Variants in JARID2 observed in about 807,000 individuals in gnomAD.
JARID2 encodes protein Jumonji.
Under a neutral mutation model 125.6 loss-of-function variants are expected in JARID2, and 21 were observed. The observed-to-expected ratio is 0.17, with a 90% CI of 0.12 to 0.24. The LOEUF is 0.24. Ranked by LOEUF, JARID2 falls within the 10% of genes least tolerant of loss-of-function variation. The pLI is 1.00. For synonymous variants in JARID2, 736 were observed against 661.6 expected (o/e 1.11, Z -1.73); for missense variants, 1,303 against 1,639.6 (o/e 0.79, Z 3.55).
chr6:15,483,217 A>T (rs747233106), intron 5 of JARID2, among the ~76,000 whole-genome samples: 1 of 152,246 alleles, frequency 6.6e-6, no homozygotes, highest in East Asian at 1.9e-4. Context: ...AACTTGCACA[A>T]TCACACAAGT....
At position 15,434,606 on chromosome 6, in the gene JARID2, ATG is replaced by A. The variant is rs1423543678; in HGVS notation, c.324-17397_324-17396del. On this transcript the variant is annotated intron_variant, in intron 3 of 17. Coordinates refer to ENST00000341776, the MANE Select transcript of JARID2 (RefSeq NM_004973.4). ...CAAGTGTGAGTCTCAGAATCCCATT[ATG>A]TGAATTCCATGGAGTGTTAATTCAA... 5.3e-5 allele frequency among the ~76,000 whole-genome samples: 8 copies of A among 152,334 alleles called. No homozygotes were observed. The East Asian group carries it at 1.4e-3, about 26-fold the overall frequency.
At chr6:15,421,034 C>G (rs1766463595) in intron 3 of JARID2, among the ~76,000 whole-genome samples, 2 of 152,190 alleles carry the variant, frequency 1.3e-5, no homozygotes, top group African/African-American at 4.8e-5. Context: ...CCATTGTTGT[C>G]TGTGTGGCTC....
chr6:15,517,659 TGA>T (rs1771629312), intron 17 of JARID2, among the ~76,000 whole-genome samples: 3 of 152,202 alleles, frequency 2.0e-5, no homozygotes, highest in Non-Finnish European at 2.9e-5. Flanking sequence ...CCCTTCAGGC[TGA>T]GAGAGCTGGA....
At chr6:15,327,286 C>G (rs1232496500) in intron 1 of JARID2, among the ~76,000 whole-genome samples, 2 of 152,054 alleles carry the variant, frequency 1.3e-5, no homozygotes, top group South Asian at 4.2e-4. Context: ...CCCTGTCACC[C>G]AGGTTGGAGT....
At chr6:15,375,892 A>G (rs1390289275) in intron 2 of JARID2, among the ~76,000 whole-genome samples, 1 of 152,236 alleles carries the variant, frequency 6.6e-6, no homozygotes, top group Non-Finnish European at 1.5e-5. Context: ...GTGGAAACAA[A>G]AACACCCATA....
At chr6:15,346,184 T>C (rs1401402755) in intron 1 of JARID2, among the ~76,000 whole-genome samples, 1 of 152,240 alleles carries the variant, frequency 6.6e-6, no homozygotes, top group African/African-American at 2.4e-5. Context: ...ATAGTTTAAA[T>C]GTGCTTCCCA....
At chr6:15,470,282 ATACTT>A (rs1333336026) in intron 5 of JARID2, among the ~76,000 whole-genome samples, 1 of 152,118 alleles carries the variant, frequency 6.6e-6, no homozygotes, top group Non-Finnish European at 1.5e-5. Context: ...TCCACTAGAC[ATACTT>A]TACTTAGGAC....
intron 1 of JARID2, among the ~76,000 whole-genome samples, chr6:15,301,392 G>A (rs1272667828): frequency 6.6e-6 from 1 of 152,116 alleles, no homozygotes; most frequent in East Asian, 1.9e-4. Context: ...TCATCAGTGT[G>A]ATATTCAGAG....
chr6:15,477,288 G>T (rs560432382), intron 5 of JARID2, among the ~76,000 whole-genome samples: 227 of 152,156 alleles, frequency 1.5e-3, no homozygotes, highest in Non-Finnish European at 2.7e-3. Flanking sequence ...GGGCGGTGGG[G>T]TGTTGGGGTG....
chr6:15,434,721 C>A (rs1767128814), intron 3 of JARID2, among the ~76,000 whole-genome samples: 1 of 152,208 alleles, frequency 6.6e-6, no homozygotes, highest in African/African-American at 2.4e-5. Context: ...CCTTCTTGAT[C>A]TGCTGTTTCC....
At chr6:15,416,515 G>A (rs1165148023) in intron 3 of JARID2, among the ~76,000 whole-genome samples, 2 of 152,066 alleles carry the variant, frequency 1.3e-5, no homozygotes, top group Non-Finnish European at 2.9e-5. Context: ...GCGAAACCCC[G>A]TCTCCACCAA....
intron 1 of JARID2, among the ~76,000 whole-genome samples, chr6:15,266,675 G>C (rs1760095102): frequency 6.6e-6 from 1 of 152,138 alleles, no homozygotes; most frequent in Admixed American, 6.5e-5. Flanking sequence ...TTGGTAGCTT[G>C]AAAGTTCTAC....
intron 2 of JARID2, among the ~76,000 whole-genome samples, chr6:15,400,501 G>A (rs937699970): frequency 6.6e-6 from 1 of 151,724 alleles, no homozygotes; most frequent in African/African-American, 2.4e-5. Flanking sequence ...TGGCAATGGG[G>A]TGGGGGCATC....
At chr6:15,251,282 C>T (rs760602724) in intron 1 of JARID2, among the ~76,000 whole-genome samples, 17 of 152,236 alleles carry the variant, frequency 1.1e-4, no homozygotes, top group Non-Finnish European at 2.2e-4. Context: ...TCCCAAAGTG[C>T]TGGGATTACA....
intron 4 of JARID2, among the ~76,000 whole-genome samples, chr6:15,462,140 C>T (rs1350729370): frequency 6.6e-6 from 1 of 152,068 alleles, no homozygotes; most frequent in Non-Finnish European, 1.5e-5. Flanking sequence ...TGTCTTGATA[C>T]AATGGAGATA....
At chr6:15,381,023 T>TTTA (rs892381932) in intron 2 of JARID2, among the ~76,000 whole-genome samples, 3 of 151,850 alleles carry the variant, frequency 2.0e-5, no homozygotes, top group Admixed American at 1.3e-4. Context: ...ATCATTATCA[T>TTTA]TTATTATTAT....
At chr6:15,369,080 T>G (rs2127507002) in intron 1 of JARID2, among the ~76,000 whole-genome samples, 1 of 152,108 alleles carries the variant, frequency 6.6e-6, no homozygotes, top group Middle Eastern at 3.4e-3. Flanking sequence ...TTACATGGTG[T>G]TGTCTGATAA....
intron 1 of JARID2, among the ~76,000 whole-genome samples, chr6:15,357,325 A>C (rs1763636976): frequency 6.6e-6 from 1 of 152,264 alleles, no homozygotes; most frequent in African/African-American, 2.4e-5. Context: ...AATAAAATAC[A>C]GTACAATTTA....
intron 1 of JARID2, 152 bp from the exon 2 acceptor site, chr6:15,373,965 C>T: frequency 1.2e-6 from 1 of 811,346 alleles, no homozygotes; most frequent in Non-Finnish European, 1.9e-6. Flanking sequence ...GTCATTGCCC[C>T]TTTACCTTAT....
Sources: gnomAD v4.1 joint callset for allele counts (sites outside exome capture counted in the v4.1 genomes callset) on GRCh38, gnomAD v4.1.1 for gene constraint, MANE v1.5 for transcripts, NCBI Gene and HGNC (gene_info 2026-07-23, HGNC 2026-07-21) for gene names.